MAD2L1BP: variants seen among roughly 807,000 people sequenced by gnomAD.
MAD2L1BP encodes the protein MAD2L1 binding protein, also known as MAD2L1-binding protein.
MAD2L1BP carries 22 observed loss-of-function variants against 28.4 expected under a neutral mutation model. That is an observed-to-expected ratio of 0.77 (90% CI 0.55 to 1.10). The LOEUF (loss-of-function observed/expected upper bound fraction) is 1.10, where lower values mean the gene tolerates loss of function less well. Ranked by LOEUF, MAD2L1BP falls within the 50% of genes least tolerant of loss-of-function variation. The pLI, the probability that MAD2L1BP is intolerant of heterozygous loss-of-function variation, is 0.00. For missense variants in MAD2L1BP, 325 were observed against 350.5 expected (o/e 0.93, Z 0.58); for synonymous variants, 146 against 133.7 (o/e 1.09, Z -0.63).
upstream of MAD2L1BP, among the ~76,000 whole-genome samples, chr6:43,632,836 C>A (rs1237288464): frequency 6.6e-6 from 1 of 151,762 alleles, no homozygotes; most frequent in Non-Finnish European, 1.5e-5. Flanking sequence ...GCTTGGCCAA[C>A]ATGGTGAAAC....
upstream of MAD2L1BP, among the ~76,000 whole-genome samples, chr6:43,633,766 G>A (rs780759798): frequency 1.3e-5 from 2 of 151,774 alleles, no homozygotes; most frequent in Non-Finnish European, 2.9e-5. Flanking sequence ...CTGGAGGGCA[G>A]TGGTGCGATC....
chr6:43,638,163 G>T (rs1770356670), intron 2 of MAD2L1BP, among the ~76,000 whole-genome samples: 1 of 152,016 alleles, frequency 6.6e-6, no homozygotes, highest in Admixed American at 6.5e-5. Context: ...CTCCCAAAGT[G>T]CTGGGATTAC....
chr6:43,632,881 G>A (rs1183769620), upstream of MAD2L1BP, among the ~76,000 whole-genome samples: 1 of 151,252 alleles, frequency 6.6e-6, no homozygotes, highest in Non-Finnish European at 1.5e-5. Flanking sequence ...AATTAGCTGG[G>A]TGTGGTGGTG....
At position 43,639,137 on chromosome 6, in the gene MAD2L1BP, CTTCT is replaced by C. The variant is rs1448763648; in HGVS notation, c.313-877_313-874del. On this transcript the variant is annotated intron_variant, in intron 2 of 2. Coordinates refer to ENST00000372171, the MANE Select transcript of MAD2L1BP (RefSeq NM_014628.3). ...CTCTCTTGAACTCTTAACTCTTCAT[CTTCT>C]TTCTTTTTTTTTTTTTGAGACAGAG... 5.3e-5 allele frequency among the ~76,000 whole-genome samples: 8 copies of C among 151,798 alleles called. No individual in the cohort carries two copies. In the East Asian group the frequency reaches 1.2e-3, roughly 22 times the overall value.
At chr6:43,629,558 G>C in exon 1 of MAD2L1BP, 1 of 664,722 alleles carries the variant, frequency 1.5e-6, no homozygotes, top group Non-Finnish European at 2.7e-6. Context: ...TTAGAGCCTC[G>C]AGGCCTGGGG....
upstream of MAD2L1BP, among the ~76,000 whole-genome samples, chr6:43,634,718 G>A (rs1770106014): frequency 6.6e-6 from 1 of 152,120 alleles, no homozygotes; most frequent in African/African-American, 2.4e-5. Flanking sequence ...ATGCCACCAT[G>A]TCTGGCTAAA....
At chr6:43,639,871 T>A (rs894091229) in intron 2 of MAD2L1BP, 150 bp from the exon 3 acceptor site, 1 of 521,772 alleles carries the variant, frequency 1.9e-6, no homozygotes, top group African/African-American at 1.9e-5. Flanking sequence ...TAATACCCTC[T>A]GATAAAACAC....
intron 2 of MAD2L1BP, among the ~76,000 whole-genome samples, chr6:43,638,165 T>C (rs565048572): frequency 7.9e-5 from 12 of 152,174 alleles, no homozygotes; most frequent in African/African-American, 2.9e-4. Flanking sequence ...CCCAAAGTGC[T>C]GGGATTACAG....
rs758054738 is a variant in MAD2L1BP at position 43,636,488 on chromosome 6, A to G, written c.154A>G (p.Arg52Gly). 1.9e-6 allele frequency: 3 copies of G among 1,614,170 alleles called. No individual in the cohort carries two copies. The highest frequency in any genetic ancestry group is 2.5e-6 in the Non-Finnish European group (3 of 1,180,032). ...CAACGCTTCGGAGGCCTTTTGCCCAAGAGACTGCATGGTACCAGTGGTGTT... is the reference window on the plus strand; with the variant it reads ...CAACGCTTCGGAGGCCTTTTGCCCAGGAGACTGCATGGTACCAGTGGTGTT... ...PLNASEAFCP[R>G]DCMVPVVFPG... Residue 52 changes from arginine (R) to glycine (G), a missense_variant, in exon 2 of 3, where the codon AGA becomes GGA. Transcript: ENST00000372171.
At chr6:43,637,209 C>A (rs112070555) in intron 2 of MAD2L1BP, among the ~76,000 whole-genome samples, 1 of 152,158 alleles carries the variant, frequency 6.6e-6, no homozygotes, top group African/African-American at 2.4e-5. Flanking sequence ...GGATTACAGG[C>A]ACGTGCCACC....
chr6:43,630,011 C>T (rs1329091332), intron 1 of MAD2L1BP, among the ~76,000 whole-genome samples: 2 of 152,196 alleles, frequency 1.3e-5, no homozygotes, highest in African/African-American at 4.8e-5. Flanking sequence ...TTCCTCCTCC[C>T]CTTTGTTTTG....
chr6:43,634,849 G>A (rs1034661886), upstream of MAD2L1BP, among the ~76,000 whole-genome samples: 6 of 152,112 alleles, frequency 3.9e-5, no homozygotes, highest in African/African-American at 1.2e-4. Context: ...GTGAGCCACC[G>A]TGCCTGGCCT....
At chr6:43,636,337 T>C in intron 1 of MAD2L1BP, 44 bp from the exon 2 acceptor site, 2 of 1,605,124 alleles carry the variant, frequency 1.2e-6, no homozygotes, top group Non-Finnish European at 1.7e-6. Flanking sequence ...GACTGGCTTT[T>C]AGGTTTTTAA....
chr6:43,635,806 G>T, upstream of MAD2L1BP: 1 of 1,403,426 alleles, frequency 7.1e-7, no homozygotes, highest in Non-Finnish European at 9.3e-7. Context: ...GGAAGTGGAG[G>T]CGCGGGCTTC....
intron 1 of MAD2L1BP, 103 bp from the exon 2 acceptor site, chr6:43,636,278 C>T: frequency 8.1e-7 from 1 of 1,229,188 alleles, no homozygotes; most frequent in Non-Finnish European, 1.1e-6. Context: ...GTCGGAGTGC[C>T]TGCTTTTTCA....
upstream of MAD2L1BP, among the ~76,000 whole-genome samples, chr6:43,631,991 C>T (rs548478487): frequency 6.6e-6 from 1 of 151,708 alleles, no homozygotes; most frequent in African/African-American, 2.4e-5. Context: ...CCTCCTCCTC[C>T]CGGGTTCAAG....
chr6:43,632,410 A>G (rs1046476254), upstream of MAD2L1BP, among the ~76,000 whole-genome samples: 119 of 151,496 alleles, frequency 7.9e-4, 3 homozygotes, highest in Non-Finnish European at 1.5e-4. Flanking sequence ...GGGGCATGCC[A>G]CCATGCCTGG....
At chr6:43,635,982 G>A in intron 1 of MAD2L1BP, 61 bp downstream of exon 1, 1 of 1,478,350 alleles carries the variant, frequency 6.8e-7, no homozygotes, top group Non-Finnish European at 9.2e-7. Context: ...CTACCGCCGC[G>A]CCATCCATTC....
In MAD2L1BP at chr6:43,640,543, T is replaced by G. The variant is rs779733153; in HGVS notation, c.*10T>G. 3 of 1,551,414 alleles carry G rather than the reference T, an allele frequency of 1.9e-6. No homozygotes were observed. Among genetic ancestry groups the G allele is most frequent in the Non-Finnish European group, 1.7e-6 (2 of 1,148,976 alleles). On this transcript the variant is annotated 3_prime_UTR_variant, in exon 3 of 3. Transcript: ENST00000372171. Reference sequence around the variant, plus strand: ...AGGCTTCCGCGAGTGAATGAGTGCTTCTTAATCCTAAAAACACAATGGCTG... The same window carrying G: ...AGGCTTCCGCGAGTGAATGAGTGCTGCTTAATCCTAAAAACACAATGGCTG...
Sources: allele counts gnomAD v4.1 joint callset (sites outside exome capture counted in the v4.1 genomes callset), GRCh38; gene constraint gnomAD v4.1.1; transcripts MANE v1.5; gene names NCBI Gene and HGNC (gene_info 2026-07-23, HGNC 2026-07-21).